OVCH1: variants seen among roughly 807,000 people sequenced by gnomAD.
OVCH1 encodes the protein ovochymase 1.
Under a neutral mutation model 138.4 loss-of-function variants are expected in OVCH1, and 139 were observed. The observed-to-expected ratio is 1.00, with a 90% CI of 0.87 to 1.16. The LOEUF (loss-of-function observed/expected upper bound fraction) is 1.16. Among genes scored for constraint, OVCH1 ranks in the 50% most tolerant of loss-of-function variants. The pLI is 0.00. For synonymous variants in OVCH1, 453 were observed against 467.8 expected (o/e 0.97, Z 0.41); for missense variants, 1,367 against 1,357.9 (o/e 1.01, Z -0.11).
intron 27 of OVCH1, chr12:29,430,906 C>G (rs1941255878): frequency 1.9e-6 from 1 of 518,522 alleles, no homozygotes; most frequent in Non-Finnish European, 3.9e-6. Flanking sequence ...CCCAGTACCT[C>G]TAGCTGCCCT....
chr12:29,442,899 A>G (rs1941524109), intron 25 of OVCH1, among the ~76,000 whole-genome samples: 1 of 152,048 alleles, frequency 6.6e-6, no homozygotes, highest in Non-Finnish European at 1.5e-5. Flanking sequence ...ACTTGTAAAG[A>G]TGTTTTTCCC....
At chr12:29,494,963 C>A (rs1359566795) in intron 4 of OVCH1, among the ~76,000 whole-genome samples, 2 of 152,050 alleles carry the variant, frequency 1.3e-5, no homozygotes, top group African/African-American at 4.8e-5. Context: ...TAATAGATAT[C>A]CTAATTACCC....
At chr12:29,415,950 C>T (rs1941025224) in intron 3 of OVCH1, among the ~76,000 whole-genome samples, 2 of 151,236 alleles carry the variant, frequency 1.3e-5, no homozygotes, top group African/African-American at 4.9e-5. Flanking sequence ...AGAAACATAG[C>T]TCAACAAAAA....
chr12:29,455,208 G>A, intron 20 of OVCH1, 41 bp downstream of exon 20: 1 of 1,594,350 alleles, frequency 6.3e-7, no homozygotes, highest in Non-Finnish European at 8.6e-7. Flanking sequence ...CCACTCTAAA[G>A]AAAGAGGTTA....
chr12:29,421,064 C>T (rs535891976), intron 3 of OVCH1, among the ~76,000 whole-genome samples: 2 of 152,338 alleles, frequency 1.3e-5, no homozygotes, highest in Admixed American at 1.3e-4. Context: ...GCACTGCTGC[C>T]AGGACCCACT....
intron 3 of OVCH1, among the ~76,000 whole-genome samples, chr12:29,420,440 T>C (rs1233335929): frequency 6.6e-6 from 1 of 151,032 alleles, no homozygotes; most frequent in Non-Finnish European, 1.5e-5. Flanking sequence ...GAGGGCAGCA[T>C]TGTTAGTCAC....
rs370580445 is a variant in OVCH1, at chr12:29,491,232, C to T, written c.455-40G>A. On this transcript the variant is annotated intron_variant, in intron 4 of 27. Transcript: ENST00000318184. ...AAGGCATGAGGTTCATGGATAAATA[C>T]GCCATGTTGAATATATTTGGAAAAG... 1.0e-4 allele frequency: 151 copies of T among 1,468,300 alleles called. 1 individual carries two copies. Among genetic ancestry groups the T allele is most frequent in the African/African-American group, 2.2e-4 (16 of 71,546 alleles). 91.0% of individuals were successfully genotyped at this position (1,468,300 alleles called of 1,614,324 possible).
intron 5 of OVCH1, 119 bp downstream of exon 5, chr12:29,490,978 G>A: frequency 1.3e-6 from 1 of 797,588 alleles, no homozygotes; most frequent in Non-Finnish European, 2.0e-6. Flanking sequence ...TCTTCGTTGT[G>A]TCAGAAATTA....
In OVCH1 at chr12:29,451,366, G is replaced by GT. The variant is rs775757636; in HGVS notation, c.2733dup (p.His912ThrfsTer3). The GT allele has an allele frequency of 1.2e-6, 2 of 1,612,664 alleles. No homozygotes were observed. The highest frequency in any genetic ancestry group is 1.7e-6 in the Non-Finnish European group (2 of 1,179,224). On this transcript the variant is annotated frameshift_variant, in exon 22 of 28. Transcript: ENST00000318184. LOFTEE classifies it high-confidence loss of function. ...TTACCTGCCGTCTTTCTCTTACTGT[G>GT]TCTTTCTTCATAAATAATTAGAACT...
intron 3 of OVCH1, among the ~76,000 whole-genome samples, chr12:29,422,112 C>T (rs1161141582): frequency 1.3e-5 from 2 of 152,136 alleles, no homozygotes; most frequent in Non-Finnish European, 2.9e-5. Context: ...TTTTAATCCA[C>T]ATTATATGCT....
At position 29,462,493 on chromosome 12, in the gene OVCH1, C is replaced by A. The variant is rs542530486; in HGVS notation, c.2126-485G>T. The stretch of plus-strand genomic sequence containing the variant: ...TCATCTACTGTCATTGAAGCCTAAT[C>A]GCATCTCCAATTAAAGATAACACTG... On this transcript the variant is annotated intron_variant, in intron 18 of 27. Transcript: ENST00000318184. Among the ~76,000 whole-genome samples, 6 of 150,734 alleles carry A rather than the reference C, an allele frequency of 4.0e-5. No homozygotes were observed. In the South Asian group the frequency reaches 1.2e-3, roughly 31 times the overall value.
In OVCH1 at chr12:29,485,851, G is replaced by A. The variant is rs534733594; in HGVS notation, c.995+395C>T. Among the ~76,000 whole-genome samples, 4 of 151,802 alleles carry A rather than the reference G, an allele frequency of 2.6e-5. No homozygotes were observed. In the East Asian group the frequency reaches 7.8e-4, roughly 29 times the overall value. On this transcript the variant is annotated intron_variant, in intron 8 of 27. Transcript: ENST00000318184. ...CTAGCTACTTGGGAGGCTAAGGCAG[G>A]AGAATCGCTTGAACCCAGGAGGCAG...
intron 16 of OVCH1, among the ~76,000 whole-genome samples, chr12:29,465,728 G>A (rs965164690): frequency 6.6e-6 from 1 of 152,106 alleles, no homozygotes; most frequent in African/African-American, 2.4e-5. Context: ...AGTATCATTG[G>A]AAACCTTGCC....
chr12:29,461,315 G>C (rs1218258051), intron 19 of OVCH1, among the ~76,000 whole-genome samples: 3 of 152,170 alleles, frequency 2.0e-5, no homozygotes, highest in Admixed American at 6.6e-5. Context: ...GAAGGTTAAA[G>C]CTGGCATTCT....
intron 27 of OVCH1, among the ~76,000 whole-genome samples, chr12:29,431,859 C>G (rs1053992719): frequency 6.6e-6 from 1 of 152,144 alleles, no homozygotes; most frequent in Admixed American, 6.5e-5. Context: ...TGAGTTAACC[C>G]CTACTCATAC....
At chr12:29,488,831 T>C (rs1186700967) in intron 6 of OVCH1, among the ~76,000 whole-genome samples, 1 of 152,128 alleles carries the variant, frequency 6.6e-6, no homozygotes, top group Non-Finnish European at 1.5e-5. Flanking sequence ...CTGTAATGAA[T>C]GCAGATAGGA....
chr12:29,474,060 AACACACACACACAT>A (rs1565597368), intron 14 of OVCH1, among the ~76,000 whole-genome samples: 4 of 115,306 alleles, frequency 3.5e-5, no homozygotes, highest in Admixed American at 9.4e-5. Flanking sequence ...ATACTTAATA[AACACACACACACAT>A]ACACACACAC....
At chr12:29,435,235 A>T (rs1941336311) in intron 26 of OVCH1, among the ~76,000 whole-genome samples, 1 of 152,184 alleles carries the variant, frequency 6.6e-6, no homozygotes, top group African/African-American at 2.4e-5. Context: ...GTGAGCCTGT[A>T]GTCCCAGCTA....
intron 3 of OVCH1, among the ~76,000 whole-genome samples, chr12:29,421,338 AAAGT>A (rs1232188179): frequency 6.6e-6 from 1 of 152,224 alleles, no homozygotes; most frequent in African/African-American, 2.4e-5. Context: ...ACATTATATA[AAAGT>A]AATTATAAAA....
Sources: allele counts gnomAD v4.1 joint callset (sites outside exome capture counted in the v4.1 genomes callset), GRCh38; gene constraint gnomAD v4.1.1; transcripts MANE v1.5; gene names NCBI Gene and HGNC (gene_info 2026-07-23, HGNC 2026-07-21).